The following CYP2E1 variants were observed in gnomAD, a reference collection of about 807,000 sequenced individuals.
CYP2E1 encodes cytochrome P450 family 2 subfamily E member 1, also known as cytochrome P450 2E1.
CYP2E1 carries 31 observed loss-of-function variants against 42.9 expected under a neutral mutation model. The observed-to-expected ratio is 0.72, with a 90% CI of 0.54 to 0.98. The LOEUF (loss-of-function observed/expected upper bound fraction) is 0.98. Among genes scored for constraint, CYP2E1 ranks in the 50% least tolerant of loss-of-function variants. CYP2E1 has a pLI of 0.00. For missense variants in CYP2E1, 565 were observed against 633.2 expected (o/e 0.89, Z 1.16); for synonymous variants, 244 against 248.9 (o/e 0.98, Z 0.19).
rs756169972 is a variant in CYP2E1, at chr10:133,532,158, C to T, written c.522C>T (p.Cys174=). ...TCGACCCCACCTTCCTCATCGGCTG[C>T]GCGCCCTGCAACGTCATAGCCGACA... is the stretch of plus-strand genomic sequence containing the variant. ...QPFDPTFLIG[C]APCNVIADIL... The change falls in exon 4 of 9, where the codon TGC becomes TGT. Residue 174 remains cysteine, a synonymous_variant. Transcript: ENST00000252945. 7.4e-6 allele frequency: 12 copies of T among 1,613,764 alleles called. No homozygotes were observed. The highest frequency in any genetic ancestry group is 4.0e-5 in the African/African-American group (3 of 74,860).
At chr10:133,536,778 TGGGTGGGTGGATGGGA>T (rs1290995961) in intron 6 of CYP2E1, among the ~76,000 whole-genome samples, 3 of 49,664 alleles carry the variant, frequency 6.0e-5, no homozygotes, top group African/African-American at 1.2e-4. Context: ...GATGGATGGG[TGGGTGGGTGGATGGGA>T]GGGTGGATGG....
intron 2 of CYP2E1, among the ~76,000 whole-genome samples, chr10:133,528,939 C>T (rs1391348845): frequency 6.6e-6 from 1 of 152,150 alleles, no homozygotes; most frequent in Non-Finnish European, 1.5e-5. Context: ...CGCCTCTGGG[C>T]CCGCAGGCTC....
chr10:133,537,956 A>G (rs1851425654), intron 8 of CYP2E1, 64 bp downstream of exon 8: 2 of 1,531,948 alleles, frequency 1.3e-6, no homozygotes, highest in Admixed American at 1.8e-5. Flanking sequence ...TCTCCCCTCC[A>G]CATGTGCTCT....
intron 6 of CYP2E1, among the ~76,000 whole-genome samples, chr10:133,534,955 A>G (rs982921023): frequency 4.0e-5 from 6 of 150,810 alleles, no homozygotes; most frequent in South Asian, 2.1e-4. Context: ...GCTTCTACCT[A>G]TTGGGCTCAA....
chr10:133,534,667 C>A (rs1851376767), intron 6 of CYP2E1, among the ~76,000 whole-genome samples: 1 of 152,188 alleles, frequency 6.6e-6, no homozygotes, highest in Non-Finnish European at 1.5e-5. Context: ...CGAGGCAGTT[C>A]ACAGCCTGAG....
chr10:133,530,128 C>A (rs41299418), intron 2 of CYP2E1, among the ~76,000 whole-genome samples: 1,554 of 152,236 alleles, frequency 0.01, 42 homozygotes, highest in East Asian at 0.075. Flanking sequence ...TTTCATATGA[C>A]CCGCAGGGCG....
chr10:133,535,488 A>G (rs961006190), intron 6 of CYP2E1, among the ~76,000 whole-genome samples: 3 of 152,150 alleles, frequency 2.0e-5, no homozygotes, highest in African/African-American at 4.8e-5. Flanking sequence ...TTTCAATCAC[A>G]TGGAAATGTG....
In CYP2E1 at chr10:133,528,475, C is replaced by T. The variant is rs1303859221; in HGVS notation, c.178-6C>T. The T allele has an allele frequency of 1.9e-6, 3 of 1,612,422 alleles. No individual in the cohort carries two copies. The highest frequency in any genetic ancestry group is 2.2e-5 in the East Asian group (1 of 44,872). ...GGGCCTGACTTCTAGCCACGGGTCT[C>T]CGCAGTTGGCCCAGCGCTTCGGGCC... On this transcript the variant is annotated splice_polypyrimidine_tract_variant and splice_region_variant and intron_variant, in intron 1 of 8. Transcript: ENST00000252945.
At chr10:133,538,752 G>A in intron 8 of CYP2E1, 28 bp from the exon 9 acceptor site, 1 of 1,601,998 alleles carries the variant, frequency 6.2e-7, no homozygotes, top group East Asian at 2.2e-5. Context: ...CTCCCTCAGT[G>A]TCTCATCAAT....
At chr10:133,528,317 A>AGG (rs1851295315) in intron 1 of CYP2E1, 164 bp from the exon 2 acceptor site, 1 of 759,274 alleles carries the variant, frequency 1.3e-6, no homozygotes, top group African/African-American at 1.8e-5. Flanking sequence ...CAGCCTCTTG[A>AGG]GGGGAGGGTC....
rs1851354385 is a variant in CYP2E1 at position 133,532,762 on chromosome 10, C to A, written c.719C>A (p.Ala240Asp). 1 of 1,613,346 alleles carries A rather than the reference C, an allele frequency of 6.2e-7. No individual in the cohort carries two copies. The highest frequency in any genetic ancestry group is 2.2e-5 in the East Asian group (1 of 44,860). Reference protein sequence around the residue: ...GSHRKVIKNVAEVKEYVSERV... With the variant: ...GSHRKVIKNVDEVKEYVSERV... ...CACAGAAAAGTCATAAAAAATGTGGCTGAAGTAAAAGAGTATGTGTCTGAA... is the reference window on the plus strand; with the variant it reads ...CACAGAAAAGTCATAAAAAATGTGGATGAAGTAAAAGAGTATGTGTCTGAA... Residue 240 changes from alanine to aspartate, a missense_variant, in exon 5 of 9, where the codon GCT becomes GAT. Ala to Asp is a moderately radical substitution (Grantham distance 126, BLOSUM62 -2). Transcript: ENST00000252945.
At chr10:133,538,696 C>G in intron 8 of CYP2E1, 84 bp from the exon 9 acceptor site, 1 of 1,262,676 alleles carries the variant, frequency 7.9e-7, no homozygotes, top group Non-Finnish European at 1.1e-6. Flanking sequence ...GCCTCCTCCT[C>G]CCCGCTTCCC....
Position 133,538,941 on chromosome 10 carries a change from C to T in CYP2E1, c.1459C>T (p.Leu487Phe). 6.2e-7 allele frequency: 1 copy of T among 1,613,358 alleles called. No homozygotes were observed. Among genetic ancestry groups the T allele is most frequent in the Non-Finnish European group, 8.5e-7 (1 of 1,179,612 alleles). ...GFGCIPPRYK[L>F]CVIPRS ...TGGCTGTATCCCACCACGTTACAAA[C>T]TCTGTGTCATTCCCCGCTCATGAGT... Residue 487 changes from leucine to phenylalanine, a missense_variant, in exon 9 of 9, where the codon CTC becomes TTC. By Grantham distance (22) the Leu-to-Phe change is conservative. Transcript: ENST00000252945.
At chr10:133,536,014 C>A (rs1022633940) in intron 6 of CYP2E1, among the ~76,000 whole-genome samples, 6 of 152,164 alleles carry the variant, frequency 3.9e-5, no homozygotes, top group Admixed American at 2.0e-4. Context: ...CAGCTGTTAC[C>A]TCTGTCAGAA....
intron 5 of CYP2E1, among the ~76,000 whole-genome samples, chr10:133,533,132 G>A (rs954226895): frequency 6.6e-6 from 1 of 152,150 alleles, no homozygotes; most frequent in East Asian, 1.9e-4. Flanking sequence ...TTTCTAGTCT[G>A]CAGACTTTGA....
At chr10:133,528,779 G>A (rs1851303304) in intron 2 of CYP2E1, 139 bp downstream of exon 2, 1 of 1,147,410 alleles carries the variant, frequency 8.7e-7, no homozygotes, top group Non-Finnish European at 1.2e-6. Context: ...ATGAGATCAG[G>A]ATTAGGGCGA....
In CYP2E1 at chr10:133,527,521, C is replaced by G; in HGVS notation, c.126C>G (p.Ile42Met). 6.2e-7 allele frequency: 1 copy of G among 1,613,512 alleles called. No individual in the cohort carries two copies. The highest frequency in any genetic ancestry group is 1.3e-5 in the African/African-American group (1 of 75,040). Residue 42 changes from isoleucine to methionine, a missense_variant, in exon 1 of 9, where the codon ATC (isoleucine) becomes ATG (methionine). Physicochemically the swap from Ile to Met is conservative, Grantham distance 10. Transcript: ENST00000252945. ...LPPGPFPLPI[I>M]GNLFQLELKN... ...CAGGCCCTTTCCCGCTTCCCATCAT[C>G]GGGAACCTCTTCCAGTTGGAATTGA...
At chr10:133,536,395 G>A (rs1031022922) in intron 6 of CYP2E1, among the ~76,000 whole-genome samples, 24 of 151,602 alleles carry the variant, frequency 1.6e-4, no homozygotes, top group African/African-American at 5.8e-4. Context: ...ATGGCTGGAT[G>A]GGTGGGTGGA....
chr10:133,534,448 G>C (rs1034593625), intron 6 of CYP2E1, among the ~76,000 whole-genome samples: 1 of 152,160 alleles, frequency 6.6e-6, no homozygotes, highest in Non-Finnish European at 1.5e-5. Context: ...TGAAAGGTCT[G>C]GGTCTAGGTG....
Sources: gnomAD v4.1 joint callset for allele counts (sites outside exome capture counted in the v4.1 genomes callset) on GRCh38, gnomAD v4.1.1 for gene constraint, MANE v1.5 for transcripts, NCBI Gene and HGNC (gene_info 2026-07-23, HGNC 2026-07-21) for gene names.